The following DCC variants were observed in gnomAD, a reference collection of about 807,000 sequenced individuals.
The protein encoded by DCC is DCC netrin 1 receptor, also known as netrin receptor DCC.
A neutral mutation model predicts 172.5 loss-of-function variants in DCC; 58 were observed. The observed-to-expected ratio is 0.34, with a 90% CI of 0.27 to 0.42. The LOEUF (loss-of-function observed/expected upper bound fraction) is 0.42. Among genes scored for constraint, DCC ranks in the 10% least tolerant of loss-of-function variants. The pLI, the probability that DCC is intolerant of heterozygous loss-of-function variation, is 1.00. For synonymous variants in DCC, 709 were observed against 644.5 expected, an observed-to-expected ratio of 1.10 and a Z score of -1.52; for missense variants, 1,740 against 1,791.0, an observed-to-expected ratio of 0.97 and a Z score of 0.51.
At chr18:53,091,157 C>T (rs1461194771) in intron 7 of DCC, among the ~76,000 whole-genome samples, 4 of 151,850 alleles carry the variant, frequency 2.6e-5, no homozygotes, top group South Asian at 2.1e-4. Context: ...AGCTGAAGAA[C>T]GTAAATTAGA....
chr18:53,186,965 A>G (rs919858314), intron 9 of DCC, among the ~76,000 whole-genome samples: 1 of 152,164 alleles, frequency 6.6e-6, no homozygotes, highest in Non-Finnish European at 1.5e-5. Context: ...TAGCCCTCTT[A>G]TAAGGACTAA....
chr18:53,249,058 A>G (rs16956411), intron 12 of DCC, among the ~76,000 whole-genome samples: 58,936 of 151,728 alleles, frequency 0.39, 12,219 homozygotes, highest in East Asian at 0.6. Flanking sequence ...CACATGAAAA[A>G]TGTCAGCATA....
intron 7 of DCC, among the ~76,000 whole-genome samples, chr18:53,086,850 T>C: frequency 6.9e-6 from 1 of 145,660 alleles, no homozygotes. Context: ...GAATATGTGA[T>C]GTTTGGTTTT....
chr18:53,228,876 A>G (rs993780279), intron 12 of DCC, among the ~76,000 whole-genome samples: 1 of 152,132 alleles, frequency 6.6e-6, no homozygotes, highest in African/African-American at 2.4e-5. Context: ...TATTAGTTGC[A>G]GTGTTATCTG....
intron 1 of DCC, among the ~76,000 whole-genome samples, chr18:52,426,199 T>G (rs1290778827): frequency 2.6e-5 from 4 of 152,060 alleles, no homozygotes; most frequent in Admixed American, 2.6e-4. Flanking sequence ...TGAAAAGCTG[T>G]GTCCTCCACC....
At chr18:52,404,849 TCC>T (rs1232621897) in intron 1 of DCC, among the ~76,000 whole-genome samples, 2 of 135,744 alleles carry the variant, frequency 1.5e-5, no homozygotes. Flanking sequence ...AGTGTGATAT[TCC>T]CCTTCCTGTG....
chr18:53,381,560 A>T (rs76252059), intron 15 of DCC, among the ~76,000 whole-genome samples: 6 of 93,588 alleles, frequency 6.4e-5, no homozygotes, highest in East Asian at 3.3e-4. Flanking sequence ...TTTACCCCCC[A>T]CCCCCCCCCC....
At chr18:53,334,947 A>C (rs1350382285) in intron 14 of DCC, among the ~76,000 whole-genome samples, 1 of 152,182 alleles carries the variant, frequency 6.6e-6, no homozygotes, top group Non-Finnish European at 1.5e-5. Context: ...TTTTGCATTT[A>C]TACTTAGATG....
At chr18:52,744,211 T>C (rs2145119300) in intron 1 of DCC, among the ~76,000 whole-genome samples, 1 of 152,330 alleles carries the variant, frequency 6.6e-6, no homozygotes, top group East Asian at 1.9e-4. Context: ...CTAAAATTTA[T>C]ACTAAATTTG....
At chr18:52,656,565 A>T (rs1431561576) in intron 1 of DCC, among the ~76,000 whole-genome samples, 2 of 152,146 alleles carry the variant, frequency 1.3e-5, no homozygotes, top group Non-Finnish European at 2.9e-5. Context: ...CCCATCACAT[A>T]TTATGTGACA....
chr18:53,259,166 T>C lies in DCC; in HGVS notation c.1911+43569T>C, dbSNP rs566500824. ...TGATGGGTCTTGACTCTTTATCCAA[T>C]TTGCCAGTCTGTGTCTTTTAATTGG... On this transcript the variant is annotated intron_variant, in intron 12 of 28. Coordinates refer to ENST00000442544, the MANE Select transcript of DCC (RefSeq NM_005215.4). Among the ~76,000 whole-genome samples, 56 of 152,280 alleles carry C rather than the reference T, an allele frequency of 3.7e-4. 1 individual carries two copies. Among genetic ancestry groups the C allele is most frequent in the South Asian group, 1.9e-3 (9 of 4,826 alleles).
chr18:53,216,629 T>A (rs538743136), intron 12 of DCC, among the ~76,000 whole-genome samples: 3 of 152,158 alleles, frequency 2.0e-5, no homozygotes, highest in African/African-American at 7.2e-5. Flanking sequence ...AAATGCCTTG[T>A]CATATTTTGT....
At chr18:53,159,649 A>G (rs2054802428) in intron 8 of DCC, among the ~76,000 whole-genome samples, 1 of 152,132 alleles carries the variant, frequency 6.6e-6, no homozygotes, top group African/African-American at 2.4e-5. Flanking sequence ...GCCCCAATCT[A>G]TCTGTATCTA....
chr18:52,694,224 C>A (rs1313671157), intron 1 of DCC, among the ~76,000 whole-genome samples: 8 of 152,104 alleles, frequency 5.3e-5, no homozygotes. Flanking sequence ...CTGGCCAGTA[C>A]TCCCCAAACT....
Position 52,679,065 on chromosome 18 carries a change from A to G in DCC, c.92-72989A>G, listed in dbSNP as rs148435425. On this transcript the variant is annotated intron_variant, in intron 1 of 28. Coordinates refer to ENST00000442544, the MANE Select transcript of DCC (RefSeq NM_005215.4). ...AGGAGTGTAAGTAAAGTCAGTTGAA[A>G]TGGTTGGTAGTCTACGAGCTTTGAA... Among the ~76,000 whole-genome samples, 689 of 152,226 alleles carry G rather than the reference A, an allele frequency of 4.5e-3. 3 individuals are homozygous for G. Among genetic ancestry groups the G allele is most frequent in the Middle Eastern group, 0.034 (10 of 294 alleles).
chr18:53,065,489 C>A (rs560995350), intron 6 of DCC, among the ~76,000 whole-genome samples: 2 of 152,126 alleles, frequency 1.3e-5, no homozygotes, highest in Non-Finnish European at 2.9e-5. Flanking sequence ...GTAAAATATT[C>A]ACCATACTCC....
At chr18:53,302,620 A>G (rs550813436) in intron 12 of DCC, among the ~76,000 whole-genome samples, 1 of 152,286 alleles carries the variant, frequency 6.6e-6, no homozygotes, top group East Asian at 1.9e-4. Context: ...TAAGGAAAAC[A>G]CAAATAGATA....
At chr18:53,305,000 T>G (rs949346409) in intron 12 of DCC, among the ~76,000 whole-genome samples, 1 of 152,152 alleles carries the variant, frequency 6.6e-6, no homozygotes, top group Non-Finnish European at 1.5e-5. Flanking sequence ...TAAATAAGTC[T>G]CACGAGATCT....
At chr18:53,487,880 G>GAATT (rs2144367689) in intron 26 of DCC, among the ~76,000 whole-genome samples, 1 of 152,168 alleles carries the variant, frequency 6.6e-6, no homozygotes, top group East Asian at 1.9e-4. Flanking sequence ...GCATTGAAGG[G>GAATT]AATTAAATAG....
Sources: allele counts gnomAD v4.1 joint callset (sites outside exome capture counted in the v4.1 genomes callset), GRCh38; gene constraint gnomAD v4.1.1; transcripts MANE v1.5; gene names NCBI Gene and HGNC (gene_info 2026-07-23, HGNC 2026-07-21).